The following TRMT10C variants were observed in gnomAD, a reference collection of about 807,000 sequenced individuals.
The protein encoded by TRMT10C is tRNA methyltransferase 10C, mitochondrial RNase P subunit.
Under a neutral mutation model 27.4 loss-of-function variants are expected in TRMT10C, and 14 were observed. The observed-to-expected ratio is 0.51, with a 90% CI of 0.34 to 0.80. The LOEUF (loss-of-function observed/expected upper bound fraction) is 0.80. Among genes scored for constraint, TRMT10C ranks in the 30% least tolerant of loss-of-function variants. The pLI is 0.02. For synonymous variants in TRMT10C, 143 were observed against 155.9 expected, an observed-to-expected ratio of 0.92 and a Z score of 0.62; for missense variants, 438 against 464.8, an observed-to-expected ratio of 0.94 and a Z score of 0.53.
chr3:101,565,270 C>G lies in TRMT10C; in HGVS notation c.489C>G (p.Ile163Met). 2 of 1,611,698 alleles carry G rather than the reference C, an allele frequency of 1.2e-6. No individual in the cohort carries two copies. Among genetic ancestry groups the G allele is most frequent in the Non-Finnish European group, 1.7e-6 (2 of 1,179,086 alleles). Reference sequence around the variant, plus strand: ...CAGCAAGGGAAGAAGCAAAAAATATCAAGCTGCTAGAAACCACTGAGGAAG... The same window carrying G: ...CAGCAAGGGAAGAAGCAAAAAATATGAAGCTGCTAGAAACCACTGAGGAAG... ...KAAAREEAKNIKLLETTEEDK... is the reference protein window; with the variant it reads ...KAAAREEAKNMKLLETTEEDK... The change falls in exon 2 of 2, where the codon ATC (isoleucine) becomes ATG (methionine). Residue 163 changes from isoleucine to methionine, a missense_variant. This residue lies in a region of TRMT10C where 350 missense variants were observed against 370.5 expected (regional missense o/e 0.94). Coordinates refer to ENST00000309922, the MANE Select transcript of TRMT10C (RefSeq NM_017819.4).
At position 101,565,360 on chromosome 3, in the gene TRMT10C, G is replaced by C. The variant is rs760835016; in HGVS notation, c.579G>C (p.Trp193Cys). The C allele has an allele frequency of 6.2e-7, 1 of 1,614,176 alleles. No homozygotes were observed. The highest frequency in any genetic ancestry group is 8.5e-7 in the Non-Finnish European group (1 of 1,180,040). ...WDRNMDIAMG[W>C]KGAQAMQFGQ... ...GGAATATGGACATAGCAATGGGCTG[G>C]AAGGGTGCCCAGGCCATGCAGTTTG... The change falls in exon 2 of 2, where the codon TGG becomes TGC. Residue 193 changes from tryptophan (W) to cysteine (C), a missense_variant. By Grantham distance (215) the Trp-to-Cys change is radical. This residue lies in a region of TRMT10C where 350 missense variants were observed against 370.5 expected (regional missense o/e 0.94). Transcript: ENST00000309922.
At position 101,564,949 on chromosome 3, in the gene TRMT10C, C is replaced by T; in HGVS notation, c.168C>T (p.Pro56=). ...CTTATCCTAAAAATGAGAGTACACC[C>T]CCTTCTGAAGAGCTAGAGTTGGATA... ...AVTYPKNEST[P]PSEELELDKW... Residue 56 remains proline (P), a synonymous_variant, in exon 2 of 2, where the codon CCC becomes CCT. Coordinates refer to ENST00000309922, the MANE Select transcript of TRMT10C (RefSeq NM_017819.4). 1 of 1,613,596 alleles carries T rather than the reference C, an allele frequency of 6.2e-7. No homozygotes were observed. Among genetic ancestry groups the T allele is most frequent in the Non-Finnish European group, 8.5e-7 (1 of 1,179,922 alleles).
In TRMT10C at chr3:101,566,116, TC is replaced by T. The variant is rs2108262515; in HGVS notation, c.*124del. 18 of 1,145,880 alleles carry T rather than the reference TC, an allele frequency of 1.6e-5. No individual in the cohort carries two copies. The highest frequency in any genetic ancestry group is 2.2e-5 in the Non-Finnish European group (18 of 828,420). The allele number at this position is 1,145,880 out of a possible 1,614,324, so 71.0% of individuals were successfully genotyped here. ...GTTAATGTATTTCTTCCCAAACAAT[TC>T]ATTTTTCTCTTCTAAAGGTAGTCTT... On this transcript the variant is annotated 3_prime_UTR_variant, in exon 2 of 2. Transcript: ENST00000309922.
Position 101,565,546 on chromosome 3 carries a change from C to T in TRMT10C, c.765C>T (p.His255=), listed in dbSNP as rs1559949647. Residue 255 remains histidine (H), a synonymous_variant, in exon 2 of 2, where the codon CAC becomes CAT. Transcript: ENST00000309922. ...ATCTAAAAATAGATGGTGCTTTGCACAGAGAGTTAGTTAAACGGTATCAAG... is the reference window on the plus strand; with the variant it reads ...ATCTAAAAATAGATGGTGCTTTGCATAGAGAGTTAGTTAAACGGTATCAAG... ...FCNLKIDGAL[H]RELVKRYQEK... 2 of 1,614,006 alleles carry T rather than the reference C, an allele frequency of 1.2e-6. No individual in the cohort carries two copies. The highest frequency in any genetic ancestry group is 3.3e-5 in the Admixed American group (2 of 59,990).
In TRMT10C at chr3:101,565,689, A is replaced by G. The variant is rs896051916; in HGVS notation, c.908A>G (p.His303Arg). 1.2e-6 allele frequency: 2 copies of G among 1,614,246 alleles called. No homozygotes were observed. Among genetic ancestry groups the G allele is most frequent in the East Asian group, 2.2e-5 (1 of 44,878 alleles). ...CCCAATGTTATGACTACTTTCAGGC[A>G]TGACAAAGTTTATGTAATTGGGTCT... ...DSPNVMTTFR[H>R]DKVYVIGSFV... The change falls in exon 2 of 2, where the codon CAT becomes CGT. Residue 303 changes from histidine (H) to arginine (R), a missense_variant. By Grantham distance (29) the His-to-Arg change is conservative. Transcript: ENST00000309922.
intron 1 of TRMT10C, among the ~76,000 whole-genome samples, chr3:101,563,778 C>G (rs535731052): frequency 6.6e-6 from 1 of 152,318 alleles, no homozygotes; most frequent in South Asian, 2.1e-4. Flanking sequence ...TCTTCAATAT[C>G]TCATGGACAT....
intron 1 of TRMT10C, among the ~76,000 whole-genome samples, chr3:101,562,347 T>C (rs547358180): frequency 1.3e-5 from 2 of 152,280 alleles, no homozygotes; most frequent in Admixed American, 1.3e-4. Context: ...CTAAAGTAAA[T>C]TGTTTTCTCT....
Position 101,565,919 on chromosome 3 carries a change from A to ACG in TRMT10C, c.1138_1139insCG (p.Lys380ThrfsTer20). 3.1e-6 allele frequency: 5 copies of ACG among 1,614,114 alleles called. No individual in the cohort carries two copies. The highest frequency in any genetic ancestry group is 4.2e-6 in the Non-Finnish European group (5 of 1,180,010). On this transcript the variant is annotated frameshift_variant, in exon 2 of 2. Transcript: ENST00000309922. LOFTEE classifies it low-confidence loss of function (END_TRUNC). ...GGCTCTGCAATTCGTTCCCAAGAGA[A>ACG]AACATACTGGTTTTCTGGAGATTTC...
chr3:101,562,629 C>T (rs1342304739), intron 1 of TRMT10C, among the ~76,000 whole-genome samples: 1 of 151,368 alleles, frequency 6.6e-6, no homozygotes, highest in Non-Finnish European at 1.5e-5. Flanking sequence ...CCTGGAGTGA[C>T]AGAGCGAGAC....
Position 101,565,725 on chromosome 3 carries a change from A to C in TRMT10C, c.944A>C (p.Lys315Thr). Reference sequence around the variant, plus strand: ...TATGTAATTGGGTCTTTTGTTGATAAGAGTATGCAGCCAGGCACATCCCTA... The same window carrying C: ...TATGTAATTGGGTCTTTTGTTGATACGAGTATGCAGCCAGGCACATCCCTA... Reference protein sequence around the residue: ...KVYVIGSFVDKSMQPGTSLAK... With the variant: ...KVYVIGSFVDTSMQPGTSLAK... The change falls in exon 2 of 2, where the codon AAG (lysine) becomes ACG (threonine). Residue 315 changes from lysine to threonine, a missense_variant. Physicochemically the swap from Lys to Thr is moderately conservative, Grantham distance 78. Around this residue, in one of 3 missense-constraint regions of TRMT10C, gnomAD observed 350 missense variants for 370.5 expected, o/e 0.94. Coordinates refer to ENST00000309922, the MANE Select transcript of TRMT10C (RefSeq NM_017819.4). 6.2e-7 allele frequency: 1 copy of C among 1,614,232 alleles called. No individual in the cohort carries two copies. The highest frequency in any genetic ancestry group is 8.5e-7 in the Non-Finnish European group (1 of 1,180,052).
chr3:101,565,091 C>G lies in TRMT10C; in HGVS notation c.310C>G (p.Leu104Val). The change falls in exon 2 of 2, where the codon CTT (leucine) becomes GTT (valine). Residue 104 changes from leucine to valine, a missense_variant. Coordinates refer to ENST00000309922, the MANE Select transcript of TRMT10C (RefSeq NM_017819.4). ...AGAGTTCATTGAGATGTGGAGATTG[C>G]TTGGCAGAGAAGTACCAGAACACAT... ...TREFIEMWRL[L>V]GREVPEHITE... The G allele has an allele frequency of 1.9e-6, 3 of 1,613,780 alleles. No individual in the cohort carries two copies. Among genetic ancestry groups the G allele is most frequent in the Non-Finnish European group, 2.5e-6 (3 of 1,179,976 alleles).
chr3:101,564,859 T>A lies in TRMT10C; in HGVS notation c.78T>A (p.Leu26=), dbSNP rs766912415. 6.2e-7 allele frequency: 1 copy of A among 1,614,004 alleles called. No homozygotes were observed. ...CCAGGTTTTTGGTGCCATTTACCCT[T>A]CATAGGAAGAGAAATAACTTAACAA... The part of the protein sequence containing the change: ...PFTRFLVPFT[L]HRKRNNLTIL... The change falls in exon 2 of 2, where the codon CTT becomes CTA. Residue 26 remains leucine (L), a synonymous_variant. Coordinates refer to ENST00000309922, the MANE Select transcript of TRMT10C (RefSeq NM_017819.4).
Position 101,565,531 on chromosome 3 carries a change from A to G in TRMT10C, c.750A>G (p.Ile250Met). 3 of 1,613,676 alleles carry G rather than the reference A, an allele frequency of 1.9e-6. No individual in the cohort carries two copies. The highest frequency in any genetic ancestry group is 2.5e-6 in the Non-Finnish European group (3 of 1,179,746). The change falls in exon 2 of 2, where the codon ATA (isoleucine) becomes ATG (methionine). Residue 250 changes from isoleucine (I) to methionine (M), a missense_variant. Transcript: ENST00000309922. Reference protein sequence around the residue: ...PFHIYFCNLKIDGALHRELVK... With the variant: ...PFHIYFCNLKMDGALHRELVK... ...ATATTTATTTCTGCAATCTAAAAATAGATGGTGCTTTGCACAGAGAGTTAG... is the reference window on the plus strand; with the variant it reads ...ATATTTATTTCTGCAATCTAAAAATGGATGGTGCTTTGCACAGAGAGTTAG...
intron 1 of TRMT10C, among the ~76,000 whole-genome samples, chr3:101,563,989 T>C (rs190605850): frequency 4.3e-4 from 66 of 152,302 alleles, no homozygotes; most frequent in African/African-American, 1.5e-3. Flanking sequence ...CTAAGTGCTT[T>C]TTACCTGTTG....
chr3:101,563,308 C>A (rs895126081), intron 1 of TRMT10C, among the ~76,000 whole-genome samples: 3 of 151,670 alleles, frequency 2.0e-5, no homozygotes, highest in Non-Finnish European at 4.4e-5. Context: ...CAGGCATGCG[C>A]CACCACACCT....
At chr3:101,563,396 G>C (rs964375412) in intron 1 of TRMT10C, among the ~76,000 whole-genome samples, 2 of 152,156 alleles carry the variant, frequency 1.3e-5, no homozygotes, top group Non-Finnish European at 2.9e-5. Flanking sequence ...GACCTCAAGC[G>C]ATCCTCCCTC....
At chr3:101,562,607 A>G (rs921006989) in intron 1 of TRMT10C, among the ~76,000 whole-genome samples, 1 of 152,106 alleles carries the variant, frequency 6.6e-6, no homozygotes, top group African/African-American at 2.4e-5. Context: ...AGATCGCGCC[A>G]CTATACTCCA....
Position 101,566,350 on chromosome 3 carries a change from C to A in TRMT10C, c.*357C>A. 1 of 182,104 alleles carries A rather than the reference C, an allele frequency of 5.5e-6. No homozygotes were observed. The highest frequency in any genetic ancestry group is 1.2e-5 in the Non-Finnish European group (1 of 83,798). The allele number at this position is 182,104 out of a possible 1,614,324, so 11.3% of individuals were successfully genotyped here. A position where few individuals can be genotyped will look rare whatever the true frequency, so the allele number is the denominator to read the frequency against. Reference sequence around the variant, plus strand: ...TGGTGCCCTGGGGTGGGCTTGGAAGCTCTGCACCCCTTCCCCCATAGCTTT... The same window carrying A: ...TGGTGCCCTGGGGTGGGCTTGGAAGATCTGCACCCCTTCCCCCATAGCTTT... On this transcript the variant is annotated 3_prime_UTR_variant, in exon 2 of 2. Coordinates refer to ENST00000309922, the MANE Select transcript of TRMT10C (RefSeq NM_017819.4).
rs1934512799 is a variant in TRMT10C, at chr3:101,566,213, T to G, written c.*220T>G. ...CAGAACTTTGGGATTATACTTTGTTTACTGTAGAAAGATAATAAAAAGAGT... is the reference window on the plus strand; with the variant it reads ...CAGAACTTTGGGATTATACTTTGTTGACTGTAGAAAGATAATAAAAAGAGT... On this transcript the variant is annotated 3_prime_UTR_variant, in exon 2 of 2. Coordinates refer to ENST00000309922, the MANE Select transcript of TRMT10C (RefSeq NM_017819.4). 2.2e-6 allele frequency: 1 copy of G among 464,944 alleles called. No individual in the cohort carries two copies. Among genetic ancestry groups the G allele is most frequent in the African/African-American group, 2.0e-5 (1 of 50,918 alleles). The allele number at this position is 464,944 out of a possible 1,614,324, so 28.8% of individuals were successfully genotyped here.
Sources: allele counts gnomAD v4.1 joint callset (sites outside exome capture counted in the v4.1 genomes callset), GRCh38; gene constraint gnomAD v4.1.1; regional missense constraint gnomAD v4.1.1; transcripts MANE v1.5; gene names NCBI Gene and HGNC (gene_info 2026-07-23, HGNC 2026-07-21).